Variants in FAM91A1 observed in about 807,000 individuals in gnomAD.
FAM91A1 encodes the protein family with sequence similarity 91 member A1, also known as protein FAM91A1.
A neutral mutation model predicts 113.5 loss-of-function variants in FAM91A1; 41 were observed. The ratio of observed to expected loss-of-function variants is 0.36; its 90% CI spans 0.28 to 0.47. The LOEUF is 0.47. Among genes scored for constraint, FAM91A1 ranks in the 20% least tolerant of loss-of-function variants. FAM91A1 has a pLI of 1.00. For synonymous variants in FAM91A1, 307 were observed against 347.9 expected (o/e 0.88, Z 1.31); for missense variants, 696 against 1,001.2 (o/e 0.70, Z 4.11).
chr8:123,787,427 A>G (rs1337763334), intron 13 of FAM91A1, 54 bp downstream of exon 13: 3 of 1,305,264 alleles, frequency 2.3e-6, no homozygotes, highest in East Asian at 2.5e-5. Context: ...TACTAGATAT[A>G]AAATAATTTA....
chr8:123,791,122 A>T (rs1815372541), intron 15 of FAM91A1, among the ~76,000 whole-genome samples: 1 of 152,204 alleles, frequency 6.6e-6, no homozygotes, highest in Admixed American at 6.5e-5. Context: ...CCTATCACAG[A>T]ATGTGAGAAC....
intron 16 of FAM91A1, among the ~76,000 whole-genome samples, chr8:123,798,926 A>G (rs1815609917): frequency 6.6e-6 from 1 of 152,222 alleles, no homozygotes; most frequent in Admixed American, 6.5e-5. Context: ...GTATTCAACA[A>G]GAGATTTGCA....
intron 18 of FAM91A1, among the ~76,000 whole-genome samples, chr8:123,803,915 A>G (rs1309366924): frequency 6.6e-6 from 1 of 152,214 alleles, no homozygotes; most frequent in African/African-American, 2.4e-5. Flanking sequence ...GATCCTCAGT[A>G]TTAAATTTCT....
At chr8:123,785,909 C>T in intron 11 of FAM91A1, 168 bp downstream of exon 11, 4 of 496,396 alleles carry the variant, frequency 8.1e-6, no homozygotes, top group Non-Finnish European at 1.5e-5. Flanking sequence ...CCTCCACCTC[C>T]CCGTTTCAAG....
chr8:123,780,099 T>C, intron 7 of FAM91A1, 24 bp downstream of exon 7: 1 of 1,592,266 alleles, frequency 6.3e-7, no homozygotes, highest in Non-Finnish European at 8.6e-7. Context: ...AGAAATGGTC[T>C]TTTGTCAACA....
At chr8:123,776,196 CT>C (rs1409116594) in intron 3 of FAM91A1, among the ~76,000 whole-genome samples, 1 of 152,146 alleles carries the variant, frequency 6.6e-6, no homozygotes, top group Non-Finnish European at 1.5e-5. Context: ...TAGTTATATA[CT>C]GTTTTCAAGT....
chr8:123,780,615 C>G, intron 8 of FAM91A1, 73 bp downstream of exon 8: 1 of 1,212,232 alleles, frequency 8.2e-7, no homozygotes, highest in East Asian at 2.5e-5. Context: ...ATCATCCGTT[C>G]TAGGATCTTA....
At position 123,799,553 on chromosome 8, in the gene FAM91A1, G is replaced by C; in HGVS notation, c.1594G>C (p.Val532Leu). The C allele has an allele frequency of 6.2e-7, 1 of 1,613,690 alleles. No individual in the cohort carries two copies. Residue 532 changes from valine (V) to leucine (L), a missense_variant, in exon 17 of 24, where the codon GTC (valine) becomes CTC (leucine). Physicochemically the swap from Val to Leu is conservative, Grantham distance 32. Transcript: ENST00000334705. ...IGPAIPEVSS[V>L]WFKLYIYHVT... ...ACCAGCTATCCCAGAAGTCAGCTCT[G>C]TCTGGTTTAAACTGTACATTTATCA...
chr8:123,799,469 A>G lies in FAM91A1; in HGVS notation c.1561-51A>G, dbSNP rs547804039. ...GCTGTTTATAAGACTGTTCTCGGTC[A>G]CTTATGTAACACTTTATTTTAACTT... On this transcript the variant is annotated intron_variant, in intron 16 of 23. Coordinates refer to ENST00000334705, the MANE Select transcript of FAM91A1 (RefSeq NM_144963.4). 57 of 1,546,280 alleles carry G rather than the reference A, an allele frequency of 3.7e-5. No individual in the cohort carries two copies. In the East Asian group the frequency reaches 1.2e-3, roughly 34 times the overall value.
chr8:123,768,484 T>A lies in FAM91A1; in HGVS notation c.-219T>A, dbSNP rs989913953. ...GAAACTAGGAAGAAACTTGGAGCTG[T>A]TCAGGCGATCCAGCCTCCAATCGCT... On this transcript the variant is annotated 5_prime_UTR_variant, in exon 1 of 24. Transcript: ENST00000334705. 3.1e-5 allele frequency: 15 copies of A among 476,386 alleles called. No individual in the cohort carries two copies. The East Asian group carries it at 4.6e-4, about 15-fold the overall frequency. The allele number at this position is 476,386 out of a possible 1,614,324, so 29.5% of individuals were successfully genotyped here.
At position 123,780,006 on chromosome 8, in the gene FAM91A1, T is replaced by C; in HGVS notation, c.571T>C (p.Cys191Arg). 6.2e-7 allele frequency: 1 copy of C among 1,613,454 alleles called. No individual in the cohort carries two copies. Among genetic ancestry groups the C allele is most frequent in the Non-Finnish European group, 8.5e-7 (1 of 1,179,592 alleles). The change falls in exon 7 of 24, where the codon TGC becomes CGC. Residue 191 changes from cysteine (C) to arginine (R), a missense_variant. Cys to Arg is a radical substitution (Grantham distance 180). Coordinates refer to ENST00000334705, the MANE Select transcript of FAM91A1 (RefSeq NM_144963.4). ...DIKICTLPEK[C>R]AVDKIIDSGP... ...TTAGATATGCACTTTGCCTGAGAAA[T>C]GCGCTGTTGATAAGATCATCGATTC... is the stretch of plus-strand genomic sequence containing the variant.
intron 15 of FAM91A1, among the ~76,000 whole-genome samples, chr8:123,793,000 C>G (rs1267581178): frequency 1.3e-5 from 2 of 152,176 alleles, no homozygotes; most frequent in Non-Finnish European, 2.9e-5. Context: ...TCTTCCAGCC[C>G]CATGAACTTT....
chr8:123,789,196 A>G (rs1255668056), intron 14 of FAM91A1, among the ~76,000 whole-genome samples: 1 of 152,182 alleles, frequency 6.6e-6, no homozygotes, highest in Admixed American at 6.5e-5. Context: ...GCTATGTTGA[A>G]TCACAGACTC....
In FAM91A1 at chr8:123,815,286, G is replaced by A. The variant is rs1400872867; in HGVS notation, c.*2582G>A. 6.6e-6 allele frequency: 1 copy of A among 151,854 alleles called. No individual in the cohort carries two copies. Among genetic ancestry groups the A allele is most frequent in the Non-Finnish European group, 1.5e-5 (1 of 67,880 alleles). 9.4% of individuals were successfully genotyped at this position (151,854 alleles called of 1,614,324 possible). ...GTGTTCAGTGTTTCAAATACAATTT[G>A]TATTTAAGGATTTTAAAATACCAAA... On this transcript the variant is annotated 3_prime_UTR_variant, in exon 24 of 24. Coordinates refer to ENST00000334705, the MANE Select transcript of FAM91A1 (RefSeq NM_144963.4).
chr8:123,811,938 C>T (rs1815965820), intron 23 of FAM91A1: 1 of 152,520 alleles, frequency 6.6e-6, no homozygotes, highest in Non-Finnish European at 1.5e-5. Flanking sequence ...GTGGCACGAT[C>T]TCGGCTCACT....
chr8:123,780,422 TA>T (rs1262826533), intron 7 of FAM91A1, 57 bp from the exon 8 acceptor site: 1 of 1,349,356 alleles, frequency 7.4e-7, no homozygotes, highest in Non-Finnish European at 1.0e-6. Context: ...TTAGTTTTTT[TA>T]AAAAAATCAC....
intron 6 of FAM91A1, among the ~76,000 whole-genome samples, chr8:123,779,709 A>C (rs1815072189): frequency 6.6e-6 from 1 of 152,226 alleles, no homozygotes; most frequent in African/African-American, 2.4e-5. Context: ...AGATGGATCT[A>C]ATTCCAATTC....
At chr8:123,800,279 T>A (rs964025759) in intron 18 of FAM91A1, among the ~76,000 whole-genome samples, 6 of 148,352 alleles carry the variant, frequency 4.0e-5, no homozygotes, top group African/African-American at 7.5e-5. Flanking sequence ...TATATATATA[T>A]AAATACCTGG....
intron 2 of FAM91A1, 72 bp downstream of exon 2, chr8:123,774,236 A>G (rs1814926256): frequency 2.5e-6 from 3 of 1,223,056 alleles, no homozygotes; most frequent in Admixed American, 2.1e-5. Context: ...CTTTCTTTTC[A>G]ATACATATTT....
Sources: gnomAD v4.1 joint callset for allele counts (sites outside exome capture counted in the v4.1 genomes callset) on GRCh38, gnomAD v4.1.1 for gene constraint, MANE v1.5 for transcripts, NCBI Gene and HGNC (gene_info 2026-07-23, HGNC 2026-07-21) for gene names.